The following RTN4 variants were observed in gnomAD, a reference collection of about 807,000 sequenced individuals.
RTN4 encodes the protein reticulon-4.
In RTN4, 32 loss-of-function variants were observed where a neutral mutation model predicts 90.4. The observed-to-expected ratio is 0.35, with a 90% CI of 0.27 to 0.48. The LOEUF (loss-of-function observed/expected upper bound fraction) is 0.48. RTN4 is among the 20% of genes least tolerant of loss of function. RTN4 has a pLI of 0.99. For synonymous variants in RTN4, 629 were observed against 552.5 expected (o/e 1.14, Z -1.94); for missense variants, 1,706 against 1,430.2 (o/e 1.19, Z -3.11).
chr2:54,982,403 G>T, intron 5 of RTN4, 112 bp downstream of exon 5: 1 of 919,860 alleles, frequency 1.1e-6, no homozygotes, highest in South Asian at 1.9e-5. Context: ...ACAGCCATGT[G>T]ATTTAATTAA....
chr2:55,088,331 G>C (rs1668880461), intron 1 of RTN4, among the ~76,000 whole-genome samples: 1 of 152,214 alleles, frequency 6.6e-6, no homozygotes, highest in Non-Finnish European at 1.5e-5. Flanking sequence ...AGCATCTGGA[G>C]ATACATAGTT....
At chr2:55,017,278 T>G (rs1421776167) in intron 3 of RTN4, among the ~76,000 whole-genome samples, 1 of 152,164 alleles carries the variant, frequency 6.6e-6, no homozygotes, top group African/African-American at 2.4e-5. Flanking sequence ...CTATATATAC[T>G]TTTTCAGAAA....
At chr2:55,002,586 G>A (rs1225212988) in intron 3 of RTN4, among the ~76,000 whole-genome samples, 1 of 152,052 alleles carries the variant, frequency 6.6e-6, no homozygotes, top group Non-Finnish European at 1.5e-5. Flanking sequence ...ACTCTTTCCA[G>A]CTTTACTAGG....
Position 54,972,505 on chromosome 2 carries a change from C to G in RTN4, c.*651G>C, listed in dbSNP as rs1677139756. On this transcript the variant is annotated 3_prime_UTR_variant, in exon 9 of 9. Transcript: ENST00000337526. ...AATATTTCTTCTTCTAGCTTATGTG[C>G]TTTGGAACTACACATGTATAACCAA... is the stretch of plus-strand genomic sequence containing the variant. 1 of 152,610 alleles carries G rather than the reference C, an allele frequency of 6.6e-6. No homozygotes were observed. The highest frequency in any genetic ancestry group is 1.5e-5 in the Non-Finnish European group (1 of 68,032). The allele number at this position is 152,610 out of a possible 1,614,324, so 9.5% of individuals were successfully genotyped here.
At chr2:54,973,265 G>T in intron 8 of RTN4, 67 bp from the exon 9 acceptor site, 3 of 1,297,384 alleles carry the variant, frequency 2.3e-6, no homozygotes, top group Non-Finnish European at 3.3e-6. Flanking sequence ...CATCTTCCAA[G>T]AACTACTTGT....
chr2:55,016,352 G>A (rs1681036335), intron 3 of RTN4, among the ~76,000 whole-genome samples: 1 of 152,176 alleles, frequency 6.6e-6, no homozygotes, highest in African/African-American at 2.4e-5. Flanking sequence ...GGAGGCCAAG[G>A]TGGGCAGATC....
rs1461766907 is a variant in RTN4, at chr2:55,025,932, T to C, written c.2167A>G (p.Lys723Glu). The C allele has an allele frequency of 9.9e-6, 16 of 1,612,736 alleles. No homozygotes were observed. The Admixed American group carries it at 1.7e-4, about 17-fold the overall frequency. The part of the protein sequence containing the change: ...PDFSDYSEMA[K>E]VEQPVPDHSE... ...TGATCAGGCACTGGCTGTTCAACTT[T>C]TGCCATTTCTGAATAATCAGAGAAA... The change falls in exon 3 of 9, where the codon AAA becomes GAA. Residue 723 changes from lysine (K) to glutamate (E), a missense_variant. Physicochemically the swap from Lys to Glu is moderately conservative, Grantham distance 56. Transcript: ENST00000337526.
At chr2:55,035,253 A>C (rs887921221) in intron 1 of RTN4, among the ~76,000 whole-genome samples, 1 of 152,200 alleles carries the variant, frequency 6.6e-6, no homozygotes, top group Non-Finnish European at 1.5e-5. Context: ...AACATTCACC[A>C]AGATAAAACA....
At chr2:55,021,321 G>C (rs2104837761) in intron 3 of RTN4, among the ~76,000 whole-genome samples, 2 of 152,036 alleles carry the variant, frequency 1.3e-5, no homozygotes, top group East Asian at 3.9e-4. Flanking sequence ...GTCCTCAACA[G>C]TGTGTCTGTA....
intron 5 of RTN4, among the ~76,000 whole-genome samples, chr2:54,979,052 A>AT (rs148796765): frequency 0.022 from 3,226 of 144,512 alleles, 80 homozygotes; most frequent in African/African-American, 0.063. Flanking sequence ...GATTTTAATA[A>AT]TTTTTTTTTT....
intron 5 of RTN4, among the ~76,000 whole-genome samples, chr2:54,975,520 T>C (rs1677552244): frequency 6.6e-6 from 1 of 152,210 alleles, no homozygotes; most frequent in African/African-American, 2.4e-5. Flanking sequence ...AGCCAGACAG[T>C]AGAATTTTAG....
chr2:54,973,224 T>C, intron 8 of RTN4, 26 bp from the exon 9 acceptor site: 2 of 1,586,540 alleles, frequency 1.3e-6, no homozygotes, highest in South Asian at 1.1e-5. Context: ...TCAATGTAAA[T>C]ATCAGTTTTG....
At chr2:55,097,826 G>C (rs1667772605) in intron 1 of RTN4, among the ~76,000 whole-genome samples, 1 of 152,062 alleles carries the variant, frequency 6.6e-6, no homozygotes, top group East Asian at 1.9e-4. Flanking sequence ...TGGAGATAAG[G>C]ATTTCTGAAT....
Position 55,025,586 on chromosome 2 carries a change from G to A in RTN4, c.2513C>T (p.Ala838Val). 1 of 1,613,472 alleles carries A rather than the reference G, an allele frequency of 6.2e-7. No homozygotes were observed. Reference protein sequence around the residue: ...IPLQMEELSTAVYSNDDLFIS... With the variant: ...IPLQMEELSTVVYSNDDLFIS... ...AAATAAGTCATCATTTGAATAAACT[G>A]CAGTACTGAGCTCCTCCATCTGCAA... The change falls in exon 3 of 9, where the codon GCA becomes GTA. Residue 838 changes from alanine to valine, a missense_variant. By Grantham distance (64) the Ala-to-Val change is moderately conservative. Coordinates refer to ENST00000337526, the MANE Select transcript of RTN4 (RefSeq NM_020532.5).
chr2:55,089,193 G>A (rs988046275), intron 1 of RTN4, among the ~76,000 whole-genome samples: 20 of 152,050 alleles, frequency 1.3e-4, no homozygotes, highest in South Asian at 2.1e-4. Context: ...CCACCGCGCC[G>A]GGCCAGAGTA....
intron 1 of RTN4, among the ~76,000 whole-genome samples, chr2:55,107,355 A>T (rs918178378): frequency 6.6e-6 from 1 of 151,252 alleles, no homozygotes; most frequent in African/African-American, 2.4e-5. Context: ...AATAAGTTTT[A>T]AAAAATCTTG....
At chr2:54,982,752 C>T in intron 4 of RTN4, 99 bp from the exon 5 acceptor site, 1 of 1,358,232 alleles carries the variant, frequency 7.4e-7, no homozygotes, top group South Asian at 1.5e-5. Flanking sequence ...AGAAAATATT[C>T]TACTATAAAA....
the RTN4 span, among the ~76,000 whole-genome samples, chr2:55,125,403 G>T: frequency 4.7e-4 from 71 of 152,328 alleles, no homozygotes; most frequent in Middle Eastern, 3.4e-3. Context: ...TAAGGAACTT[G>T]AACAGATTTA....
the RTN4 span, among the ~76,000 whole-genome samples, chr2:55,119,690 G>A: frequency 6.6e-6 from 1 of 152,170 alleles, no homozygotes; most frequent in African/African-American, 2.4e-5. Context: ...AAAGATCAGG[G>A]AGAGAAGTCA....
Sources: gnomAD v4.1 joint callset for allele counts (sites outside exome capture counted in the v4.1 genomes callset) on GRCh38, gnomAD v4.1.1 for gene constraint, MANE v1.5 for transcripts, NCBI Gene and HGNC (gene_info 2026-07-23, HGNC 2026-07-21) for gene names.